DMRTB1: variants seen among roughly 807,000 people sequenced by gnomAD.
The protein encoded by DMRTB1 is doublesex- and mab-3-related transcription factor B1.
A neutral mutation model predicts 25.2 loss-of-function variants in DMRTB1; 9 were observed. The observed-to-expected ratio is 0.36, with a 90% CI of 0.22 to 0.62. The LOEUF (loss-of-function observed/expected upper bound fraction) is 0.62, where lower values mean the gene tolerates loss of function less well. DMRTB1 is among the 20% of genes least tolerant of loss of function. The probability of loss-of-function intolerance (pLI) is 0.71; values close to 1 mark genes in which losing one functional copy is unlikely to be tolerated. For synonymous variants in DMRTB1, 269 were observed against 238.1 expected (o/e 1.13, Z -1.20); for missense variants, 551 against 499.3 (o/e 1.10, Z -0.99).
rs1169882032 is a variant in DMRTB1, at chr1:53,467,443, C to G, written c.*781C>G. The G allele has an allele frequency of 6.6e-6, 1 of 152,294 alleles. No individual in the cohort carries two copies. Among genetic ancestry groups the G allele is most frequent in the Non-Finnish European group, 1.5e-5 (1 of 68,062 alleles). The allele number at this position is 152,294 out of a possible 1,614,324, so 9.4% of individuals were successfully genotyped here. A position where few individuals can be genotyped will look rare whatever the true frequency, so the allele number is the denominator to read the frequency against. On this transcript the variant is annotated 3_prime_UTR_variant, in exon 4 of 4. Transcript: ENST00000371445. Reference sequence around the variant, plus strand: ...TGATCACCTGTGACATGAACAGTTTCTTCTGTGAGGACAGTTGGCTATTGA... The same window carrying G: ...TGATCACCTGTGACATGAACAGTTTGTTCTGTGAGGACAGTTGGCTATTGA...
intron 3 of DMRTB1, among the ~76,000 whole-genome samples, chr1:53,465,880 C>T (rs893842396): frequency 6.6e-6 from 1 of 152,236 alleles, no homozygotes; most frequent in Non-Finnish European, 1.5e-5. Context: ...GTCCCTACCT[C>T]ATGAGGATTC....
chr1:53,460,202 G>T, intron 1 of DMRTB1, 172 bp downstream of exon 1: 1 of 954,028 alleles, frequency 1.0e-6, no homozygotes, highest in Non-Finnish European at 1.5e-6. Context: ...GTAACTTTTC[G>T]CAAAAAGGAA....
At chr1:53,460,374 C>T in intron 1 of DMRTB1, 1 of 195,714 alleles carries the variant, frequency 5.1e-6, no homozygotes, top group South Asian at 1.2e-4. Context: ...TCTTGCGCAC[C>T]TCTTCCCGCC....
intron 1 of DMRTB1, among the ~76,000 whole-genome samples, 170 bp from the exon 2 acceptor site, chr1:53,461,303 C>T (rs1355057873): frequency 2.0e-5 from 3 of 152,206 alleles, no homozygotes; most frequent in Admixed American, 6.5e-5. Flanking sequence ...TTTCCAAGAG[C>T]AGTGGGGCTG....
chr1:53,460,300 C>T (rs1644012133), intron 1 of DMRTB1: 3 of 388,850 alleles, frequency 7.7e-6, no homozygotes, highest in Non-Finnish European at 1.3e-5. Context: ...AACAAAATGG[C>T]GTCCAGTCGA....
intron 2 of DMRTB1, among the ~76,000 whole-genome samples, chr1:53,463,637 A>G (rs1644034833): frequency 6.6e-6 from 1 of 152,234 alleles, no homozygotes; most frequent in Non-Finnish European, 1.5e-5. Context: ...AGATTTTTGC[A>G]GACTCTTCCA....
At chr1:53,465,180 G>T (rs1285582746) in intron 3 of DMRTB1, among the ~76,000 whole-genome samples, 2 of 152,208 alleles carry the variant, frequency 1.3e-5, no homozygotes, top group African/African-American at 2.4e-5. Flanking sequence ...GGGCGGTGCT[G>T]TGGAAGACAG....
At chr1:53,466,274 T>C (rs1045060817) in intron 3 of DMRTB1, among the ~76,000 whole-genome samples, 2 of 152,198 alleles carry the variant, frequency 1.3e-5, no homozygotes, top group African/African-American at 2.4e-5. Flanking sequence ...GTGGATCACC[T>C]GAGGTCAGGA....
At chr1:53,460,853 C>T (rs1054555400) in intron 1 of DMRTB1, among the ~76,000 whole-genome samples, 21 of 152,208 alleles carry the variant, frequency 1.4e-4, no homozygotes, top group African/African-American at 5.1e-4. Context: ...TGTGCCAGGG[C>T]ACTGGTCCGG....
In DMRTB1 at chr1:53,459,649, G is replaced by A. The variant is rs1343361727; in HGVS notation, c.196G>A (p.Glu66Lys). The change falls in exon 1 of 4, where the codon GAG (glutamate) becomes AAG (lysine). Residue 66 changes from glutamate (E) to lysine (K), a missense_variant. Coordinates refer to ENST00000371445, the MANE Select transcript of DMRTB1 (RefSeq NM_033067.3). ...GACGCAGGCCGCCGAGGAGGAGCAG[G>A]AGGCGGCCCTGTGTGCGCAGGGGCC... is the stretch of plus-strand genomic sequence containing the variant. The part of the protein sequence containing the change: ...LKTQAAEEEQ[E>K]AALCAQGPKQ... 4 of 1,552,972 alleles carry A rather than the reference G, an allele frequency of 2.6e-6. No homozygotes were observed. The highest frequency in any genetic ancestry group is 1.4e-5 in the African/African-American group (1 of 73,224).
At chr1:53,466,081 G>A (rs1329671063) in intron 3 of DMRTB1, among the ~76,000 whole-genome samples, 2 of 152,234 alleles carry the variant, frequency 1.3e-5, no homozygotes, top group Non-Finnish European at 2.9e-5. Context: ...GCAAGAGCTG[G>A]AACTTGAATC....
rs1557921191 is a variant in DMRTB1, at chr1:53,459,644, A to G, written c.191A>G (p.Glu64Gly). Reference protein sequence around the residue: ...KVLKTQAAEEEQEAALCAQGP... With the variant: ...KVLKTQAAEEGQEAALCAQGP... ...CTCAAGACGCAGGCCGCCGAGGAGG[A>G]GCAGGAGGCGGCCCTGTGTGCGCAG... The change falls in exon 1 of 4, where the codon GAG (glutamate) becomes GGG (glycine). Residue 64 changes from glutamate (E) to glycine (G), a missense_variant. Physicochemically the swap from Glu to Gly is moderately conservative, Grantham distance 98. Transcript: ENST00000371445. 1 of 1,555,206 alleles carries G rather than the reference A, an allele frequency of 6.4e-7. No homozygotes were observed. The highest frequency in any genetic ancestry group is 8.7e-7 in the Non-Finnish European group (1 of 1,150,674).
In DMRTB1 at chr1:53,461,609, G is replaced by A. The variant is rs755087985; in HGVS notation, c.714G>A (p.Arg238=). ...PPGVPLQQGF[R]HVSRSQYQGG... is the part of the protein sequence containing the mutation. ...GCGTCCCCCTGCAGCAGGGCTTCCG[G>A]CATGTGTCCCGCAGCCAGTACCAAG... Residue 238 remains arginine (R), a synonymous_variant, in exon 2 of 4, where the codon CGG becomes CGA. Transcript: ENST00000371445. 1 of 1,608,596 alleles carries A rather than the reference G, an allele frequency of 6.2e-7. No individual in the cohort carries two copies.
chr1:53,466,700 C>A lies in DMRTB1; in HGVS notation c.*38C>A, dbSNP rs1244519199. The A allele has an allele frequency of 1.3e-6, 2 of 1,599,296 alleles. No homozygotes were observed. The highest frequency in any genetic ancestry group is 1.7e-6 in the Non-Finnish European group (2 of 1,170,552). On this transcript the variant is annotated 3_prime_UTR_variant, in exon 4 of 4. Transcript: ENST00000371445. ...CCCTCCTGGCCAGCAGAGTGGGGCA[C>A]TGGGGGGCAACAGCAACAGTTTTCT... is the stretch of plus-strand genomic sequence containing the variant.
intron 3 of DMRTB1, among the ~76,000 whole-genome samples, chr1:53,465,850 G>A (rs1179166519): frequency 1.3e-5 from 2 of 152,254 alleles, no homozygotes; most frequent in Non-Finnish European, 2.9e-5. Context: ...TTCATCATGT[G>A]TAAAAGGAGA....
In DMRTB1 at chr1:53,464,594, A is replaced by G. The variant is rs1644039977; in HGVS notation, c.751-43A>G. ...CTATGTTTGGTCAGCCCATCTGGCT[A>G]ACTCTCTCTCCTCTCCGCCTCTCTG... On this transcript the variant is annotated intron_variant, in intron 2 of 3. Coordinates refer to ENST00000371445, the MANE Select transcript of DMRTB1 (RefSeq NM_033067.3). 3.1e-6 allele frequency: 5 copies of G among 1,611,522 alleles called. No homozygotes were observed. In the East Asian group the frequency reaches 1.1e-4, roughly 36 times the overall value.
At chr1:53,465,490 G>A (rs529492141) in intron 3 of DMRTB1, among the ~76,000 whole-genome samples, 1 of 152,310 alleles carries the variant, frequency 6.6e-6, no homozygotes, top group South Asian at 2.1e-4. Context: ...GTTTTCTTTT[G>A]AGGGCCCTTG....
intron 3 of DMRTB1, among the ~76,000 whole-genome samples, chr1:53,466,143 A>G (rs918487523): frequency 9.9e-5 from 15 of 152,202 alleles, no homozygotes; most frequent in African/African-American, 3.4e-4. Flanking sequence ...CTAACAAGTT[A>G]AAGAAAATAC....
intron 2 of DMRTB1, 22 bp from the exon 3 acceptor site, chr1:53,464,615 C>G: frequency 6.2e-7 from 1 of 1,612,788 alleles, no homozygotes; most frequent in Non-Finnish European, 8.5e-7. Flanking sequence ...CTCTCCGCCT[C>G]TCTGCTGTGT....
Sources: gnomAD v4.1 joint callset for allele counts (sites outside exome capture counted in the v4.1 genomes callset) on GRCh38, gnomAD v4.1.1 for gene constraint, MANE v1.5 for transcripts, NCBI Gene and HGNC (gene_info 2026-07-23, HGNC 2026-07-21) for gene names.